The following SCN1A variants were observed in gnomAD, a reference collection of about 807,000 sequenced individuals.
SCN1A encodes the protein sodium channel protein type 1 subunit alpha.
In SCN1A, 13 loss-of-function variants were observed where a neutral mutation model predicts 193.7. The observed-to-expected ratio is 0.07, with a 90% CI of 0.04 to 0.11. The LOEUF is 0.11. Ranked by LOEUF, SCN1A falls within the 10% of genes least tolerant of loss-of-function variation. The pLI is 1.00. For missense variants in SCN1A, 1,432 were observed against 2,451.1 expected, an observed-to-expected ratio of 0.58 and a Z score of 8.78; for synonymous variants, 781 against 843.6, an observed-to-expected ratio of 0.93 and a Z score of 1.29.
At chr2:165,995,041 CA>C (rs961319414) in intron 27 of SCN1A, among the ~76,000 whole-genome samples, 1 of 151,674 alleles carries the variant, frequency 6.6e-6, no homozygotes, top group Non-Finnish European at 1.5e-5. Context: ...ATGTTTATGT[CA>C]AAAAAAACTT....
intron 19 of SCN1A, among the ~76,000 whole-genome samples, chr2:166,017,911 G>A (rs1693519687): frequency 6.6e-6 from 1 of 151,838 alleles, no homozygotes; most frequent in African/African-American, 2.4e-5. Flanking sequence ...TAGAATATTA[G>A]CATAAAAATC....
In SCN1A at chr2:166,013,917, T is replaced by C; in HGVS notation, c.3551-19A>G. On this transcript the variant is annotated intron_variant, in intron 20 of 28. Transcript: ENST00000674923. ...ACACAGCCTGCAGAAAGTGTTGAAA[T>C]AAAAGTAGATAAAGTGTCTCTGCTT... The C allele has an allele frequency of 1.2e-6, 2 of 1,608,758 alleles. No homozygotes were observed. Among genetic ancestry groups the C allele is most frequent in the South Asian group, 1.1e-5 (1 of 91,048 alleles).
rs530202141 is a variant in SCN1A at position 165,996,806 on chromosome 2, A to G, written c.4477-689T>C. Among the ~76,000 whole-genome samples, 4 of 151,576 alleles carry G rather than the reference A, an allele frequency of 2.6e-5. No homozygotes were observed. The East Asian group carries it at 5.8e-4, about 22-fold the overall frequency. ...CTGTAGTCTAAGAAAGCACTCATTC[A>G]TTATACAAAAAGCAAACCTACTGAA... is the stretch of plus-strand genomic sequence containing the variant. On this transcript the variant is annotated intron_variant, in intron 26 of 28. Coordinates refer to ENST00000674923, the MANE Select transcript of SCN1A (RefSeq NM_001165963.4).
rs367905968 is a variant in SCN1A, at chr2:166,052,619, A to AT, written c.694+232_694+233insA. Reference sequence around the variant, plus strand: ...CGATAAAACTAACATGGTGAAAAAAAAAAAAACCCATGATATTTGTAAGTG... The same window carrying AT: ...CGATAAAACTAACATGGTGAAAAAAATAAAAAACCCATGATATTTGTAAGTG... On this transcript the variant is annotated intron_variant, in intron 8 of 28. Coordinates refer to ENST00000674923, the MANE Select transcript of SCN1A (RefSeq NM_001165963.4). 0.5 allele frequency among the ~76,000 whole-genome samples: 73,471 copies of AT among 147,804 alleles called. 18,548 individuals are homozygous for AT. The highest frequency in any genetic ancestry group is 0.63 in the East Asian group (2,877 of 4,552).
intron 19 of SCN1A, among the ~76,000 whole-genome samples, chr2:166,030,767 A>G (rs1042492761): frequency 6.6e-6 from 1 of 152,108 alleles, no homozygotes; most frequent in Admixed American, 6.6e-5. Context: ...ATATAAATCA[A>G]CCAAACCTCA....
intron 2 of SCN1A, among the ~76,000 whole-genome samples, chr2:166,098,435 G>A (rs551953771): frequency 6.6e-6 from 1 of 151,986 alleles, no homozygotes; most frequent in African/African-American, 2.4e-5. Context: ...TTCTCCCTAA[G>A]AACTGAAACG....
intron 2 of SCN1A, among the ~76,000 whole-genome samples, chr2:166,103,443 T>G (rs1326406829): frequency 6.9e-6 from 1 of 144,456 alleles, no homozygotes; most frequent in African/African-American, 2.6e-5. Context: ...AAAGCAAGAC[T>G]CTGTCTTAAA....
chr2:166,003,045 C>T (rs2105513299), intron 23 of SCN1A: 1 of 208,694 alleles, frequency 4.8e-6, no homozygotes, highest in Admixed American at 6.2e-5. Flanking sequence ...ATCAGAGGAA[C>T]TTGCTGCCAG....
intron 23 of SCN1A, among the ~76,000 whole-genome samples, chr2:166,005,266 G>A (rs570445): frequency 1 from 151,247 of 151,558 alleles, 75,469 homozygotes; most frequent in Middle Eastern, 1. Context: ...AAATGAATGG[G>A]TTAATGAAGC....
chr2:166,081,654 T>C (rs1004616191), intron 2 of SCN1A: 1 of 151,890 alleles, frequency 6.6e-6, no homozygotes. Flanking sequence ...CATTGTGTAT[T>C]TATGCAAGAA....
chr2:166,054,423 T>C (rs1364881499), intron 7 of SCN1A, among the ~76,000 whole-genome samples: 1 of 152,008 alleles, frequency 6.6e-6, no homozygotes, highest in African/African-American at 2.4e-5. Context: ...TGACTGATGC[T>C]ACGTGTGAAA....
chr2:166,092,897 C>CT (rs1686970393), intron 2 of SCN1A, among the ~76,000 whole-genome samples: 1 of 152,064 alleles, frequency 6.6e-6, no homozygotes, highest in Non-Finnish European at 1.5e-5. Flanking sequence ...GCCCTCACTC[C>CT]TTTTTTGAAA....
intron 19 of SCN1A, among the ~76,000 whole-genome samples, chr2:166,021,910 T>G (rs1361565772): frequency 6.6e-6 from 1 of 152,210 alleles, no homozygotes; most frequent in Non-Finnish European, 1.5e-5. Flanking sequence ...ATCTAATTTA[T>G]GCATGATACA....
chr2:166,028,491 G>C (rs779709448), intron 19 of SCN1A, among the ~76,000 whole-genome samples: 2 of 152,132 alleles, frequency 1.3e-5, no homozygotes, highest in South Asian at 2.1e-4. Flanking sequence ...AAGTACTACT[G>C]TTCAGAGGAT....
chr2:166,013,605 G>A, intron 21 of SCN1A, 139 bp downstream of exon 21: 2 of 747,874 alleles, frequency 2.7e-6, no homozygotes, highest in South Asian at 3.1e-5. Context: ...GAGTTATAGA[G>A]TAAATCTATA....
At chr2:166,106,998 G>C (rs548210267) in intron 2 of SCN1A, among the ~76,000 whole-genome samples, 1 of 152,150 alleles carries the variant, frequency 6.6e-6, no homozygotes, top group South Asian at 2.1e-4. Context: ...CATTATTCAT[G>C]TTTTTTTAAA....
chr2:166,129,918 A>C (rs1196755344), upstream of SCN1A, among the ~76,000 whole-genome samples: 1 of 152,096 alleles, frequency 6.6e-6, no homozygotes, highest in Non-Finnish European at 1.5e-5. Context: ...GTATCTACGC[A>C]GCTGACCTGG....
chr2:166,045,363 G>A, intron 12 of SCN1A, 36 bp from the exon 13 acceptor site: 1 of 1,607,682 alleles, frequency 6.2e-7, no homozygotes, highest in South Asian at 1.1e-5. Context: ...CATAGCACCT[G>A]AAGAGACTGT....
At chr2:166,100,151 G>C (rs1301537594) in intron 2 of SCN1A, among the ~76,000 whole-genome samples, 1 of 138,782 alleles carries the variant, frequency 7.2e-6, no homozygotes, top group African/African-American at 2.6e-5. Flanking sequence ...CATGGTACTG[G>C]TACCAAAACA....
Sources: gnomAD v4.1 joint callset for allele counts (sites outside exome capture counted in the v4.1 genomes callset) on GRCh38, gnomAD v4.1.1 for gene constraint, MANE v1.5 for transcripts, NCBI Gene and HGNC (gene_info 2026-07-23, HGNC 2026-07-21) for gene names.